Variants in NANS observed in about 807,000 individuals in gnomAD.
The protein encoded by NANS is N-acetylneuraminate synthase, also known as N-acetylneuraminate-9-phosphate synthase.
Under a neutral mutation model 33.3 loss-of-function variants are expected in NANS, and 29 were observed. The observed-to-expected ratio is 0.87, with a 90% CI of 0.65 to 1.19. The LOEUF is 1.19. Ranked by LOEUF, NANS falls within the 50% of genes most tolerant of loss-of-function variation. NANS has a pLI of 0.00. For synonymous variants in NANS, 163 were observed against 177.2 expected (o/e 0.92, Z 0.64); for missense variants, 394 against 461.1 (o/e 0.85, Z 1.33).
At position 98,077,145 on chromosome 9, in the gene NANS, T is replaced by C. The variant is rs553275973; in HGVS notation, c.448+128T>C. 6.9e-5 allele frequency: 48 copies of C among 699,266 alleles called. No individual in the cohort carries two copies. The South Asian group carries it at 9.1e-4, about 13-fold the overall frequency. 43.3% of individuals were successfully genotyped at this position (699,266 alleles called of 1,614,324 possible). A position where few individuals can be genotyped will look rare whatever the true frequency, so the allele number is the denominator to read the frequency against. On this transcript the variant is annotated intron_variant, in intron 3 of 5. Coordinates refer to ENST00000210444, the MANE Select transcript of NANS (RefSeq NM_018946.4). ...TTTAGCCTCTTTTCATTTTTTTAAA[T>C]AGAGATAGGGTCTCGCTGTGTTGGC...
At chr9:98,060,475 C>G (rs1490579452) in intron 1 of NANS, among the ~76,000 whole-genome samples, 1 of 152,058 alleles carries the variant, frequency 6.6e-6, no homozygotes, top group Non-Finnish European at 1.5e-5. Context: ...TCAAGACCAG[C>G]CTGGCCAATG....
chr9:98,059,476 A>G (rs932300193), intron 1 of NANS, among the ~76,000 whole-genome samples: 34 of 152,124 alleles, frequency 2.2e-4, no homozygotes, highest in African/African-American at 6.5e-4. Flanking sequence ...GTGCAGTGGC[A>G]CCATCATAGC....
chr9:98,072,450 C>T (rs1355404840), intron 2 of NANS, among the ~76,000 whole-genome samples: 6 of 149,920 alleles, frequency 4.0e-5, no homozygotes, highest in African/African-American at 1.5e-4. Flanking sequence ...CTCGCTGTGT[C>T]GCCCAAGCTG....
At chr9:98,081,240 C>T (rs1829847397) in intron 5 of NANS, 158 bp downstream of exon 5, 2 of 925,982 alleles carry the variant, frequency 2.2e-6, no homozygotes, top group Middle Eastern at 5.8e-4. Flanking sequence ...GGCTTCTCTT[C>T]AGTAATGCAT....
chr9:98,061,644 G>A (rs1408502180), intron 2 of NANS, among the ~76,000 whole-genome samples: 1 of 150,480 alleles, frequency 6.6e-6, no homozygotes, highest in Non-Finnish European at 1.5e-5. Flanking sequence ...GCTGGGCGTG[G>A]TGGCATGCGT....
At position 98,080,904 on chromosome 9, in the gene NANS, G is replaced by T. The variant is rs955852920; in HGVS notation, c.692G>T (p.Gly231Val). 2 of 1,614,096 alleles carry T rather than the reference G, an allele frequency of 1.2e-6. No homozygotes were observed. The highest frequency in any genetic ancestry group is 2.7e-5 in the African/African-American group (2 of 74,938). The change falls in exon 5 of 6, where the codon GGG becomes GTG. Residue 231 changes from glycine to valine, a missense_variant. Physicochemically the swap from Gly to Val is moderately radical, Grantham distance 109. Transcript: ENST00000210444. The part of the protein sequence containing the change: ...IAISVAAVAL[G>V]AKVLERHITL... ...ATATCTGTGGCCGCAGTGGCTCTGG[G>T]GGCCAAGGTGTTGGAACGTCACATA...
intron 2 of NANS, among the ~76,000 whole-genome samples, chr9:98,063,556 T>C (rs1829047568): frequency 6.6e-6 from 1 of 151,278 alleles, no homozygotes; most frequent in African/African-American, 2.4e-5. Context: ...TTTTTTTGTT[T>C]TTTGAGATGG....
chr9:98,074,031 C>T (rs1829470866), intron 2 of NANS, among the ~76,000 whole-genome samples: 1 of 152,124 alleles, frequency 6.6e-6, no homozygotes, highest in Admixed American at 6.5e-5. Context: ...AATGATCCTC[C>T]TGCCTTGGCC....
intron 2 of NANS, among the ~76,000 whole-genome samples, chr9:98,065,733 C>T (rs1261933639): frequency 2.0e-5 from 3 of 151,682 alleles, no homozygotes; most frequent in African/African-American, 2.4e-5. Context: ...AGAATTCCCA[C>T]GTGTTGTGGG....
intron 3 of NANS, among the ~76,000 whole-genome samples, chr9:98,077,673 T>C (rs930920440): frequency 6.6e-6 from 1 of 152,162 alleles, no homozygotes; most frequent in Non-Finnish European, 1.5e-5. Flanking sequence ...TCGTGTAAAG[T>C]GGTTTTACAA....
intron 2 of NANS, among the ~76,000 whole-genome samples, chr9:98,072,790 T>C (rs887222759): frequency 2.0e-5 from 3 of 152,152 alleles, no homozygotes; most frequent in Non-Finnish European, 2.9e-5. Context: ...ATTGGTTCCT[T>C]GTTCTGTATT....
intron 2 of NANS, among the ~76,000 whole-genome samples, chr9:98,061,582 T>A (rs1208654866): frequency 7.0e-6 from 1 of 143,266 alleles, no homozygotes; most frequent in African/African-American, 2.6e-5. Flanking sequence ...GAGATCAAGA[T>A]CATCCTGGCC....
intron 1 of NANS, among the ~76,000 whole-genome samples, chr9:98,057,758 C>T (rs994540652): frequency 6.6e-6 from 1 of 152,038 alleles, no homozygotes; most frequent in African/African-American, 2.4e-5. Context: ...AGATAGCTCA[C>T]CCCATCTTTC....
chr9:98,059,148 C>A (rs1019906125), intron 1 of NANS, among the ~76,000 whole-genome samples: 2 of 151,866 alleles, frequency 1.3e-5, no homozygotes, highest in Middle Eastern at 6.8e-3. Context: ...CTCAGCCTCC[C>A]GAGTAGCTGG....
chr9:98,075,185 C>T (rs985643015), intron 2 of NANS: 1 of 151,696 alleles, frequency 6.6e-6, no homozygotes, highest in Admixed American at 6.6e-5. Context: ...TGTGGTGGCA[C>T]GTGCTTGTGG....
intron 4 of NANS, among the ~76,000 whole-genome samples, chr9:98,079,622 C>T (rs143759497): frequency 3.0e-3 from 463 of 152,222 alleles, no homozygotes; most frequent in African/African-American, 0.011. Context: ...TATGTAATGT[C>T]GAAAGTAAAC....
chr9:98,080,678 CAG>C, intron 4 of NANS, 136 bp from the exon 5 acceptor site: 1 of 896,464 alleles, frequency 1.1e-6, no homozygotes. Context: ...AAGAGAGGCT[CAG>C]AGAGCCTCAG....
At chr9:98,065,528 G>A (rs564072313) in intron 2 of NANS, among the ~76,000 whole-genome samples, 150 of 122,258 alleles carry the variant, frequency 1.2e-3, no homozygotes, top group African/African-American at 4.0e-3. Flanking sequence ...TAGTAGAGAC[G>A]GGGTTTCACC....
chr9:98,063,609 A>G lies in NANS; in HGVS notation c.348+2612A>G, dbSNP rs114415817. 2.2e-3 allele frequency among the ~76,000 whole-genome samples: 338 copies of G among 151,902 alleles called. 2 individuals are homozygous for G. The highest frequency in any genetic ancestry group is 7.8e-3 in the African/African-American group (325 of 41,440). ...CATGCTGGAGTGCAACGATGCAATC[A>G]TAGCTTACTGCAGTCTCAAACTCCT... On this transcript the variant is annotated intron_variant, in intron 2 of 5. Coordinates refer to ENST00000210444, the MANE Select transcript of NANS (RefSeq NM_018946.4).
Sources: gnomAD v4.1 joint callset for allele counts (sites outside exome capture counted in the v4.1 genomes callset) on GRCh38, gnomAD v4.1.1 for gene constraint, MANE v1.5 for transcripts, NCBI Gene and HGNC (gene_info 2026-07-23, HGNC 2026-07-21) for gene names.